The following PHF24 variants were observed in gnomAD, a reference collection of about 807,000 sequenced individuals.
PHF24 encodes the protein PHD finger protein 24.
In PHF24, 25 loss-of-function variants were observed where a neutral mutation model predicts 42.6. That is an observed-to-expected ratio of 0.59 (90% CI 0.43 to 0.82). The LOEUF (loss-of-function observed/expected upper bound fraction) is 0.82, where lower values mean the gene tolerates loss of function less well. Among genes scored for constraint, PHF24 ranks in the 40% least tolerant of loss-of-function variants. The probability of loss-of-function intolerance (pLI) is 0.00; values close to 1 mark genes in which losing one functional copy is unlikely to be tolerated. For missense variants in PHF24, 470 were observed against 538.1 expected (o/e 0.87, Z 1.25); for synonymous variants, 185 against 204.8 (o/e 0.90, Z 0.83).
At chr9:34,701,196 G>A in the PHF24 span, among the ~76,000 whole-genome samples, 8 of 152,066 alleles carry the variant, frequency 5.3e-5, no homozygotes, top group Non-Finnish European at 1.0e-4. This position sits in a 1 kb window ranked among gnomAD's most constrained non-coding sequence, Gnocchi z 5.8. Flanking sequence ...CCAAATCCCC[G>A]CCCCAGGGGT....
the PHF24 span, among the ~76,000 whole-genome samples, chr9:34,792,263 T>C: frequency 6.6e-6 from 1 of 152,162 alleles, no homozygotes; most frequent in African/African-American, 2.4e-5. Flanking sequence ...TTGGCCCTAA[T>C]TGATGAAAGT....
chr9:34,972,819 T>C (rs560108892), intron 3 of PHF24, among the ~76,000 whole-genome samples: 41 of 143,856 alleles, frequency 2.9e-4, no homozygotes, highest in Non-Finnish European at 5.2e-4. Flanking sequence ...GAGGCTGAGG[T>C]AGGAGAATCA....
the PHF24 span, among the ~76,000 whole-genome samples, chr9:34,707,656 A>G: frequency 0.11 from 17,161 of 152,140 alleles, 2,046 homozygotes; most frequent in African/African-American, 0.3. Flanking sequence ...AGGCTCCTAC[A>G]GAAGGAAAAG....
the PHF24 span, among the ~76,000 whole-genome samples, chr9:34,940,117 A>T: frequency 6.6e-6 from 1 of 152,178 alleles, no homozygotes; most frequent in African/African-American, 2.4e-5. Flanking sequence ...GGTAACTGCC[A>T]AACTTCACCC....
the PHF24 span, chr9:34,726,897 G>C: frequency 1.3e-6 from 2 of 1,551,786 alleles, no homozygotes; most frequent in Admixed American, 3.9e-5. Flanking sequence ...AGCAATTGCT[G>C]AATCTCCAGA....
At chr9:34,717,687 A>G in the PHF24 span, among the ~76,000 whole-genome samples, 7,706 of 152,224 alleles carry the variant, frequency 0.051, 634 homozygotes, top group African/African-American at 0.17. Flanking sequence ...GGAGAGATGA[A>G]CCTGGTCTGA....
chr9:34,911,359 A>G, the PHF24 span, among the ~76,000 whole-genome samples: 562 of 152,018 alleles, frequency 3.7e-3, 1 homozygote, highest in South Asian at 0.027. Context: ...GGTTCAAGCA[A>G]TTCTCTGCCT....
the PHF24 span, among the ~76,000 whole-genome samples, chr9:34,809,985 C>A: frequency 6.7e-6 from 1 of 150,010 alleles, no homozygotes; most frequent in South Asian, 2.1e-4. The surrounding 1 kb of genome is among the most constrained non-coding windows in gnomAD (Gnocchi z 4.1). Context: ...AAGAAAGCCT[C>A]GCGTGGGCGC....
the PHF24 span, among the ~76,000 whole-genome samples, chr9:34,772,485 A>G: frequency 6.6e-6 from 1 of 152,356 alleles, no homozygotes; most frequent in Non-Finnish European, 1.5e-5. Context: ...TTATGGAGTA[A>G]TAGTTAGCTA....
chr9:34,703,810 C>T, the PHF24 span, among the ~76,000 whole-genome samples: 1 of 152,078 alleles, frequency 6.6e-6, no homozygotes, highest in African/African-American at 2.4e-5. Context: ...AAGCCGTTCT[C>T]CTACCTCTGC....
chr9:34,874,625 G>A, the PHF24 span, among the ~76,000 whole-genome samples: 1 of 152,014 alleles, frequency 6.6e-6, no homozygotes. Context: ...TACTAAATAA[G>A]TTGTTTCTGC....
intron 3 of PHF24, among the ~76,000 whole-genome samples, chr9:34,974,589 C>G (rs919045593): frequency 2.6e-5 from 4 of 152,000 alleles, no homozygotes; most frequent in Admixed American, 2.0e-4. Flanking sequence ...TTCTCAATGC[C>G]CTTTGTTAGT....
intron 1 of PHF24, among the ~76,000 whole-genome samples, chr9:34,968,200 C>T (rs756889217): frequency 7.9e-5 from 12 of 152,032 alleles, no homozygotes; most frequent in Admixed American, 1.3e-4. Flanking sequence ...CAGTGTTTTC[C>T]GTGTTGTTTA....
At chr9:34,739,487 G>C in the PHF24 span, among the ~76,000 whole-genome samples, 1 of 152,172 alleles carries the variant, frequency 6.6e-6, no homozygotes, top group East Asian at 1.9e-4. Context: ...TCCGGAATTG[G>C]TGGGTTCTTG....
At chr9:34,754,201 A>G in the PHF24 span, among the ~76,000 whole-genome samples, 1 of 152,150 alleles carries the variant, frequency 6.6e-6, no homozygotes, top group Non-Finnish European at 1.5e-5. Flanking sequence ...GGAAACAATC[A>G]ACAAAGTGAA....
At chr9:34,685,183 C>T in the PHF24 span, among the ~76,000 whole-genome samples, 1 of 152,192 alleles carries the variant, frequency 6.6e-6, no homozygotes, top group East Asian at 1.9e-4. Context: ...TCACAAGGTT[C>T]CTTGTCCTGC....
At chr9:34,977,265 G>T (rs1188891812) in intron 6 of PHF24, 22 bp downstream of exon 6, 1 of 1,568,236 alleles carries the variant, frequency 6.4e-7, no homozygotes, top group Non-Finnish European at 8.7e-7. Flanking sequence ...ACCAGTCCTG[G>T]TCCCCACTCA....
chr9:34,723,784 C>T, the PHF24 span: 75 of 1,551,592 alleles, frequency 4.8e-5, no homozygotes, highest in South Asian at 3.9e-4. Flanking sequence ...CAGGAATTGT[C>T]GCTGGTTCAA....
At chr9:34,770,422 T>C in the PHF24 span, among the ~76,000 whole-genome samples, 3 of 152,124 alleles carry the variant, frequency 2.0e-5, no homozygotes, top group African/African-American at 7.2e-5. Flanking sequence ...TTGGTGAGAG[T>C]GCAAAATAGT....
Sources: allele counts gnomAD v4.1 joint callset (sites outside exome capture counted in the v4.1 genomes callset), GRCh38; gene constraint gnomAD v4.1.1; non-coding constraint Gnocchi (gnomAD v3.1); transcripts MANE v1.5; gene names NCBI Gene and HGNC (gene_info 2026-07-23, HGNC 2026-07-21).